Variants in TESC observed in about 807,000 individuals in gnomAD.
TESC encodes tescalcin.
In TESC, 19 loss-of-function variants were observed where a neutral mutation model predicts 31.0. The ratio of observed to expected loss-of-function variants is 0.61; its 90% CI spans 0.43 to 0.90. The LOEUF is 0.90. Ranked by LOEUF, TESC falls within the 40% of genes least tolerant of loss-of-function variation. The probability of loss-of-function intolerance (pLI) is 0.00; values close to 1 mark genes in which losing one functional copy is unlikely to be tolerated. For synonymous variants in TESC, 109 were observed against 114.8 expected (o/e 0.95, Z 0.32); for missense variants, 248 against 303.8 (o/e 0.82, Z 1.36).
intron 1 of TESC, among the ~76,000 whole-genome samples, chr12:117,087,703 C>T (rs573590178): frequency 1.3e-5 from 2 of 152,210 alleles, no homozygotes; most frequent in African/African-American, 4.8e-5. Context: ...TTTAGCTGGG[C>T]GTGCTGGTGC....
chr12:117,072,628 T>C (rs1367907994), intron 2 of TESC, among the ~76,000 whole-genome samples: 2 of 152,150 alleles, frequency 1.3e-5, no homozygotes, highest in African/African-American at 4.8e-5. Context: ...TAACAATAAG[T>C]CCAAGGCAGT....
At chr12:117,076,850 C>T (rs775865067) in intron 1 of TESC, among the ~76,000 whole-genome samples, 1 of 152,188 alleles carries the variant, frequency 6.6e-6, no homozygotes, top group Non-Finnish European at 1.5e-5. Flanking sequence ...GCGACTGACC[C>T]CAAAGCCAGC....
At chr12:117,047,525 A>G (rs766563709) in intron 4 of TESC, among the ~76,000 whole-genome samples, 1 of 151,904 alleles carries the variant, frequency 6.6e-6, no homozygotes, top group Non-Finnish European at 1.5e-5. Flanking sequence ...CCTGGGTTCG[A>G]GAGATTCTCC....
Position 117,056,873 on chromosome 12 carries a change from T to A in TESC, c.142A>T (p.Asn48Tyr). Residue 48 changes from asparagine to tyrosine, a missense_variant, in exon 3 of 8, where the codon AAC (asparagine) becomes TAC (tyrosine). Physicochemically the swap from Asn to Tyr is moderately radical, Grantham distance 143. Coordinates refer to ENST00000335209, the MANE Select transcript of TESC (RefSeq NM_017899.4). ...DQPTIRKENFNNVPDLELNPI... is the reference protein window; with the variant it reads ...DQPTIRKENFYNVPDLELNPI... ...TTGAGCTCCAGGTCCGGGACATTGT[T>A]GAAGTTCTCCTTGCTGGTTTCCAAG... is the stretch of plus-strand genomic sequence containing the variant. 6.2e-7 allele frequency: 1 copy of A among 1,614,096 alleles called. No individual in the cohort carries two copies. The highest frequency in any genetic ancestry group is 8.5e-7 in the Non-Finnish European group (1 of 1,179,998).
chr12:117,059,937 G>A (rs945018734), intron 2 of TESC, among the ~76,000 whole-genome samples: 3 of 152,182 alleles, frequency 2.0e-5, no homozygotes, highest in Admixed American at 6.5e-5. Context: ...ATACCTGGAA[G>A]ACATGATGCT....
intron 7 of TESC, among the ~76,000 whole-genome samples, chr12:117,040,409 A>G (rs1180524545): frequency 6.6e-6 from 1 of 152,212 alleles, no homozygotes; most frequent in East Asian, 1.9e-4. Flanking sequence ...CCTCAGGGGT[A>G]CAGGGACAGG....
At chr12:117,089,416 C>A (rs866203433) in intron 1 of TESC, among the ~76,000 whole-genome samples, 1 of 152,060 alleles carries the variant, frequency 6.6e-6, no homozygotes, top group Admixed American at 6.6e-5. Context: ...AAAAACCAAA[C>A]CATACAAGCA....
chr12:117,049,017 A>G lies in TESC; in HGVS notation c.349+2T>C. 2.5e-6 allele frequency: 4 copies of G among 1,614,142 alleles called. No individual in the cohort carries two copies. Among genetic ancestry groups the G allele is most frequent in the African/African-American group, 1.3e-5 (1 of 75,052 alleles). ...TGAGCAAGGGGACTCAGTGGCACGC[A>G]CATCTCAGCTTCTCCTTCCGGGACA... On this transcript the variant is annotated splice_donor_variant, in intron 4 of 7. Transcript: ENST00000335209. LOFTEE classifies it high-confidence loss of function.
At chr12:117,082,146 T>C (rs953122430) in intron 1 of TESC, among the ~76,000 whole-genome samples, 10 of 151,516 alleles carry the variant, frequency 6.6e-5, no homozygotes, top group Non-Finnish European at 1.3e-4. Flanking sequence ...GAAGTTGAGG[T>C]TGCAGTGAGC....
At chr12:117,098,173 C>G (rs536648068) in intron 1 of TESC, among the ~76,000 whole-genome samples, 161 of 152,344 alleles carry the variant, frequency 1.1e-3, no homozygotes, top group Middle Eastern at 3.4e-3. Context: ...CGCTGGTTCT[C>G]TGCACTTGAA....
chr12:117,044,670 G>T (rs911860239), intron 6 of TESC, among the ~76,000 whole-genome samples: 41 of 152,342 alleles, frequency 2.7e-4, no homozygotes, highest in African/African-American at 8.4e-4. Context: ...GACCAAGGTG[G>T]GTGGATCACT....
chr12:117,068,589 T>C (rs904972014), intron 2 of TESC, among the ~76,000 whole-genome samples: 3 of 152,112 alleles, frequency 2.0e-5, no homozygotes, highest in African/African-American at 7.2e-5. Flanking sequence ...AGTTAGGACA[T>C]TTTGCTGACG....
intron 1 of TESC, among the ~76,000 whole-genome samples, chr12:117,082,802 C>T (rs2135794174): frequency 6.6e-6 from 1 of 152,272 alleles, no homozygotes; most frequent in Non-Finnish European, 1.5e-5. Context: ...GAACATTTTT[C>T]TCCTCCTCCC....
intron 1 of TESC, among the ~76,000 whole-genome samples, chr12:117,097,919 C>T (rs75691232): frequency 0.023 from 3,482 of 152,178 alleles, 64 homozygotes; most frequent in Non-Finnish European, 0.03. Flanking sequence ...AAAAAGGGTA[C>T]CATATTATAT....
intron 1 of TESC, among the ~76,000 whole-genome samples, chr12:117,078,006 G>A (rs1955096714): frequency 6.6e-6 from 1 of 152,118 alleles, no homozygotes; most frequent in Non-Finnish European, 1.5e-5. Context: ...GATCTGGGAA[G>A]AGAAAAGAAA....
chr12:117,049,903 GAAAAA>G (rs66797686), intron 3 of TESC, among the ~76,000 whole-genome samples: 3 of 86,454 alleles, frequency 3.5e-5, no homozygotes, highest in African/African-American at 7.5e-5. Flanking sequence ...CCTGTCTCAA[GAAAAA>G]AAAAAAAAAA....
At chr12:117,096,841 C>A (rs1455398975) in intron 1 of TESC, among the ~76,000 whole-genome samples, 1 of 152,190 alleles carries the variant, frequency 6.6e-6, no homozygotes, top group African/African-American at 2.4e-5. Flanking sequence ...TTGTCCCTGC[C>A]ACAGGGCCTC....
At chr12:117,061,288 A>G (rs1313527586) in intron 2 of TESC, among the ~76,000 whole-genome samples, 3 of 152,108 alleles carry the variant, frequency 2.0e-5, no homozygotes, top group Non-Finnish European at 4.4e-5. Flanking sequence ...TGGTTTGCTG[A>G]GCGAATAATG....
intron 2 of TESC, among the ~76,000 whole-genome samples, chr12:117,070,265 G>A (rs1344140904): frequency 6.6e-6 from 1 of 152,198 alleles, no homozygotes; most frequent in African/African-American, 2.4e-5. Context: ...AGATGGGCAG[G>A]AAAAGGCCAG....
Sources: gnomAD v4.1 joint callset for allele counts (sites outside exome capture counted in the v4.1 genomes callset) on GRCh38, gnomAD v4.1.1 for gene constraint, MANE v1.5 for transcripts, NCBI Gene and HGNC (gene_info 2026-07-23, HGNC 2026-07-21) for gene names.